The following GPM6A variants were observed in gnomAD, a reference collection of about 807,000 sequenced individuals.
The protein encoded by GPM6A is neuronal membrane glycoprotein M6-a.
Under a neutral mutation model 32.1 loss-of-function variants are expected in GPM6A, and 7 were observed. The observed-to-expected ratio is 0.22, with a 90% CI of 0.12 to 0.41. The LOEUF (loss-of-function observed/expected upper bound fraction) is 0.41. Ranked by LOEUF, GPM6A falls within the 10% of genes least tolerant of loss-of-function variation. GPM6A has a pLI of 1.00. For synonymous variants in GPM6A, 130 were observed against 123.4 expected (o/e 1.05, Z -0.35); for missense variants, 235 against 347.2 (o/e 0.68, Z 2.57).
intron 1 of GPM6A, among the ~76,000 whole-genome samples, chr4:175,976,745 G>A (rs1740676302): frequency 6.6e-6 from 1 of 152,174 alleles, no homozygotes; most frequent in South Asian, 2.1e-4. Flanking sequence ...GTCCCGTGGA[G>A]CTCTCTGCTT....
chr4:175,979,586 G>T (rs1740763571), intron 1 of GPM6A, among the ~76,000 whole-genome samples: 1 of 150,782 alleles, frequency 6.6e-6, no homozygotes, highest in South Asian at 2.1e-4. Flanking sequence ...ATGTACCCTA[G>T]GACTTAAAGT....
At chr4:175,838,644 A>ATTT (rs569099649) in intron 1 of GPM6A, among the ~76,000 whole-genome samples, 5 of 79,804 alleles carry the variant, frequency 6.3e-5, no homozygotes, top group Non-Finnish European at 9.5e-5. Flanking sequence ...CTAGCAGTGA[A>ATTT]TTTTTTTTTT....
At chr4:175,957,569 G>A (rs991006709) in intron 1 of GPM6A, among the ~76,000 whole-genome samples, 11 of 151,982 alleles carry the variant, frequency 7.2e-5, no homozygotes, top group Non-Finnish European at 1.2e-4. Context: ...GTCAGTGGGT[G>A]GGTGGGTAGG....
intron 1 of GPM6A, among the ~76,000 whole-genome samples, chr4:175,887,994 A>G (rs141990233): frequency 0.019 from 2,935 of 152,056 alleles, 32 homozygotes; most frequent in Non-Finnish European, 0.031. Context: ...ATATTACTAC[A>G]TAAATCTTAA....
intron 3 of GPM6A, among the ~76,000 whole-genome samples, chr4:175,652,299 T>C (rs1397124182): frequency 1.3e-5 from 2 of 152,186 alleles, no homozygotes; most frequent in Non-Finnish European, 2.9e-5. Flanking sequence ...TTTTTTAAAC[T>C]TTAGAAAATA....
At chr4:175,650,270 T>TTTTATTTATTTATTTA (rs140528336) in intron 4 of GPM6A, among the ~76,000 whole-genome samples, 1 of 143,068 alleles carries the variant, frequency 7.0e-6, no homozygotes, top group African/African-American at 2.6e-5. Context: ...GATTTCATTA[T>TTTTATTTATTTATTTA]TTTATTTATT....
At chr4:175,805,597 T>C (rs1027936744) in intron 1 of GPM6A, among the ~76,000 whole-genome samples, 1 of 152,184 alleles carries the variant, frequency 6.6e-6, no homozygotes, top group Non-Finnish European at 1.5e-5. Flanking sequence ...TCTCATATGA[T>C]AAAAATTTAA....
At chr4:175,910,178 G>A (rs927276466) in intron 1 of GPM6A, among the ~76,000 whole-genome samples, 1 of 152,096 alleles carries the variant, frequency 6.6e-6, no homozygotes, top group Non-Finnish European at 1.5e-5. Flanking sequence ...TCTCTCTCAA[G>A]CCAGTGGAAT....
chr4:175,949,062 A>C (rs1337270753), intron 1 of GPM6A, among the ~76,000 whole-genome samples: 2 of 151,880 alleles, frequency 1.3e-5, no homozygotes, highest in Non-Finnish European at 2.9e-5. Flanking sequence ...ATTCCCTTCC[A>C]TGCAACTAAG....
intron 1 of GPM6A, among the ~76,000 whole-genome samples, chr4:175,968,928 C>A (rs1418734577): frequency 6.6e-6 from 1 of 152,182 alleles, no homozygotes; most frequent in Non-Finnish European, 1.5e-5. Flanking sequence ...TATTTACCTA[C>A]ATGAATTAAA....
At chr4:175,992,476 T>C (rs1741181799) in intron 1 of GPM6A, among the ~76,000 whole-genome samples, 1 of 152,184 alleles carries the variant, frequency 6.6e-6, no homozygotes, top group South Asian at 2.1e-4. Context: ...TATGGGAGCA[T>C]CATCTTCATA....
intron 1 of GPM6A, among the ~76,000 whole-genome samples, chr4:175,923,039 G>T (rs1738717417): frequency 6.6e-6 from 1 of 151,204 alleles, no homozygotes; most frequent in Admixed American, 6.6e-5. Flanking sequence ...ATTTGTCTAG[G>T]ATATCATAAT....
chr4:175,831,775 G>A (rs186825003), intron 1 of GPM6A, among the ~76,000 whole-genome samples: 1 of 139,666 alleles, frequency 7.2e-6, no homozygotes, highest in Non-Finnish European at 1.5e-5. Context: ...GCTGGAGTGC[G>A]CTATCTTAGC....
intron 1 of GPM6A, among the ~76,000 whole-genome samples, chr4:175,839,163 G>A (rs1316876478): frequency 6.6e-6 from 1 of 152,152 alleles, no homozygotes; most frequent in Non-Finnish European, 1.5e-5. Flanking sequence ...GTTCAAGACA[G>A]CCATTTTGAA....
chr4:175,967,390 C>T (rs1407106691), intron 1 of GPM6A, among the ~76,000 whole-genome samples: 1 of 152,104 alleles, frequency 6.6e-6, no homozygotes, highest in Non-Finnish European at 1.5e-5. Flanking sequence ...TGTCCTTGCT[C>T]ATCACTCGTT....
intron 1 of GPM6A, among the ~76,000 whole-genome samples, chr4:175,915,788 T>C (rs1168097468): frequency 1.3e-5 from 2 of 152,232 alleles, no homozygotes; most frequent in East Asian, 3.8e-4. Context: ...CAACGCTGTC[T>C]GGTGATATGT....
chr4:175,884,904 A>G (rs1040025035), intron 1 of GPM6A, among the ~76,000 whole-genome samples: 4 of 152,180 alleles, frequency 2.6e-5, no homozygotes, highest in African/African-American at 9.6e-5. Context: ...TACTGTTTTC[A>G]AATTTCTTTG....
chr4:175,917,484 CA>C (rs1002191480), intron 1 of GPM6A, among the ~76,000 whole-genome samples: 1 of 151,928 alleles, frequency 6.6e-6, no homozygotes, highest in Non-Finnish European at 1.5e-5. Flanking sequence ...GAATTCCTAT[CA>C]AAAAAAGGTA....
intron 1 of GPM6A, among the ~76,000 whole-genome samples, chr4:175,892,945 C>T (rs140359559): frequency 2.8e-4 from 43 of 152,218 alleles, no homozygotes; most frequent in African/African-American, 9.9e-4. Context: ...GATGTCTCCT[C>T]TCTTTGGAGT....
Sources: allele counts gnomAD v4.1 joint callset (sites outside exome capture counted in the v4.1 genomes callset), GRCh38; gene constraint gnomAD v4.1.1; transcripts MANE v1.5; gene names NCBI Gene and HGNC (gene_info 2026-07-23, HGNC 2026-07-21).